The following USP28 variants were observed in gnomAD, a reference collection of about 807,000 sequenced individuals.
USP28 encodes ubiquitin carboxyl-terminal hydrolase 28.
In USP28, 113 loss-of-function variants were observed where a neutral mutation model predicts 145.0. The ratio of observed to expected loss-of-function variants is 0.78; its 90% CI spans 0.67 to 0.91. USP28 has a LOEUF of 0.91. Ranked by LOEUF, USP28 falls within the 40% of genes least tolerant of loss-of-function variation. The probability of loss-of-function intolerance (pLI) is 0.00; values close to 1 mark genes in which losing one functional copy is unlikely to be tolerated. For synonymous variants in USP28, 447 were observed against 450.9 expected (o/e 0.99, Z 0.11); for missense variants, 1,201 against 1,289.6 (o/e 0.93, Z 1.05).
intron 23 of USP28, 109 bp from the exon 25 acceptor site, chr11:113,801,787 C>A (rs1939074930): frequency 1.2e-6 from 1 of 853,898 alleles, no homozygotes; most frequent in African/African-American, 1.7e-5. Context: ...ATTGGATGTA[C>A]TTAGGGATCT....
chr11:113,806,517 C>G, exon 19 of USP28: 1 of 1,611,384 alleles, frequency 6.2e-7, no homozygotes, highest in East Asian at 2.2e-5. Context: ...AGACCCATCT[C>G]GGTCAAAGGT....
intron 11 of USP28, among the ~76,000 whole-genome samples, chr11:113,826,719 C>T (rs1433708785): frequency 4.0e-5 from 6 of 151,768 alleles, no homozygotes; most frequent in East Asian, 2.0e-4. Context: ...CGGGAGTTCG[C>T]GACCAGCCTG....
At chr11:113,813,742 A>C in intron 15 of USP28, 143 bp downstream of exon 15, 1 of 704,822 alleles carries the variant, frequency 1.4e-6, no homozygotes, top group Non-Finnish European at 2.4e-6. Context: ...ATAAAGAAAC[A>C]GAACAACATC....
At chr11:113,821,371 C>A (rs1047590447) in intron 12 of USP28, 13 of 228,800 alleles carry the variant, frequency 5.7e-5, no homozygotes, top group Non-Finnish European at 1.1e-4. Context: ...CAGCCAATTG[C>A]CACTATTCTT....
chr11:113,868,531 C>G (rs1397332473), intron 1 of USP28, among the ~76,000 whole-genome samples: 1 of 152,196 alleles, frequency 6.6e-6, no homozygotes, highest in Non-Finnish European at 1.5e-5. Context: ...CTTGAAGTCA[C>G]AGCTCTGCTA....
chr11:113,823,765 A>C, intron 11 of USP28, 65 bp from the exon 12 acceptor site: 1 of 1,339,656 alleles, frequency 7.5e-7, no homozygotes. Flanking sequence ...AGTCTCAGTA[A>C]ACTAAAGATT....
At chr11:113,818,200 G>A (rs1301821832) in intron 12 of USP28, 1 of 159,480 alleles carries the variant, frequency 6.3e-6, no homozygotes, top group East Asian at 1.8e-4. Context: ...TGCCCAGGCT[G>A]GAGTGCAGTG....
chr11:113,798,026 C>G (rs1938226858), exon 25 of USP28: 1 of 142,384 alleles, frequency 7.0e-6, no homozygotes, highest in Non-Finnish European at 1.5e-5. Flanking sequence ...GTATTTTTCT[C>G]TACATATACA....
exon 25 of USP28, chr11:113,799,175 A>T: frequency 6.5e-7 from 1 of 1,547,374 alleles, no homozygotes; most frequent in Non-Finnish European, 8.7e-7. Flanking sequence ...GAGCACTATG[A>T]CAACGAACTT....
rs572037459 is a variant in USP28, at chr11:113,839,894, T to A, written c.534+704A>T. 7.2e-5 allele frequency among the ~76,000 whole-genome samples: 11 copies of A among 152,256 alleles called. No homozygotes were observed. The East Asian group carries it at 1.9e-3, about 27-fold the overall frequency. On this transcript the variant is annotated intron_variant, in intron 5 of 24. Coordinates refer to ENST00000003302, the Ensembl canonical transcript of USP28. ...AAAATTAGCCAGGCCTGGTGGTACA[T>A]GCCTGTAGTCTCAGCTACTGGAGAG...
chr11:113,801,757 G>A, intron 23 of USP28, 79 bp from the exon 25 acceptor site: 1 of 1,253,578 alleles, frequency 8.0e-7, no homozygotes, highest in East Asian at 2.5e-5. Flanking sequence ...TAAACAAGTG[G>A]TTCCCAAACT....
At chr11:113,813,512 G>C (rs907876307) in intron 15 of USP28, among the ~76,000 whole-genome samples, 3 of 152,168 alleles carry the variant, frequency 2.0e-5, no homozygotes, top group African/African-American at 7.2e-5. Context: ...TTAAATTAAA[G>C]ATCTTGAAGA....
intron 24 of USP28, among the ~76,000 whole-genome samples, chr11:113,801,074 CCTCAGGTGAT>C (rs1011215185): frequency 6.6e-6 from 1 of 152,044 alleles, no homozygotes; most frequent in African/African-American, 2.4e-5. Context: ...GAACTCCTGG[CCTCAGGTGAT>C]CTGCCCACCT....
chr11:113,798,938 G>A (rs1198854339), exon 25 of USP28: 4 of 189,760 alleles, frequency 2.1e-5, no homozygotes, highest in Non-Finnish European at 4.3e-5. Flanking sequence ...TTTTAAAAGT[G>A]GCAAGAGGCT....
At chr11:113,808,759 T>C (rs558994074) in intron 17 of USP28, among the ~76,000 whole-genome samples, 9 of 152,348 alleles carry the variant, frequency 5.9e-5, no homozygotes, top group Middle Eastern at 3.4e-3. Context: ...CTTTGGAGAA[T>C]GGTTTTCATA....
At position 113,869,490 on chromosome 11, in the gene USP28, C is replaced by T. The variant is rs1948611001; in HGVS notation, c.57+5955G>A. ...GTGCATACCTGTGGTCCCAGCTACTCAAGTGTCTGAGGATTGCTTGGGTCT... is the reference window on the plus strand; with the variant it reads ...GTGCATACCTGTGGTCCCAGCTACTTAAGTGTCTGAGGATTGCTTGGGTCT... On this transcript the variant is annotated intron_variant, in intron 1 of 24. Transcript: ENST00000003302. Among the ~76,000 whole-genome samples the T allele has an allele frequency of 1.3e-5, 2 of 151,962 alleles. 1 individual carries two copies. The highest frequency in any genetic ancestry group is 1.3e-4 in the Admixed American group (2 of 15,258).
At chr11:113,852,296 G>A (rs1297898242) in intron 3 of USP28, among the ~76,000 whole-genome samples, 2 of 152,188 alleles carry the variant, frequency 1.3e-5, no homozygotes, top group African/African-American at 4.8e-5. Context: ...CCAAAGTGCT[G>A]GGATTACAGG....
chr11:113,872,681 C>T (rs1948945678), intron 1 of USP28, among the ~76,000 whole-genome samples: 1 of 152,114 alleles, frequency 6.6e-6, no homozygotes, highest in Admixed American at 6.6e-5. Flanking sequence ...CTTCAGCTGA[C>T]ATAAAGAATG....
chr11:113,825,756 T>G (rs764954569), intron 11 of USP28, among the ~76,000 whole-genome samples: 2 of 152,176 alleles, frequency 1.3e-5, no homozygotes, highest in Non-Finnish European at 2.9e-5. Context: ...TACTAAATAT[T>G]AATGTTACTA....
Sources: allele counts gnomAD v4.1 joint callset (sites outside exome capture counted in the v4.1 genomes callset), GRCh38; gene constraint gnomAD v4.1.1; transcripts MANE v1.5; gene names NCBI Gene and HGNC (gene_info 2026-07-23, HGNC 2026-07-21).